Variants in FIRRM observed in about 807,000 individuals in gnomAD.
FIRRM encodes FIGNL1 interacting regulator of recombination and mitosis.
At chr1:169,841,347 T>A in the FIRRM span, among the ~76,000 whole-genome samples, 1 of 152,210 alleles carries the variant, frequency 6.6e-6, no homozygotes, top group African/African-American at 2.4e-5. Context: ...TTGAATTTGG[T>A]TTGCTAGTAT....
At chr1:169,787,644 A>G in the FIRRM span, among the ~76,000 whole-genome samples, 3 of 152,186 alleles carry the variant, frequency 2.0e-5, no homozygotes, top group Non-Finnish European at 2.9e-5. Context: ...TACTATCTCA[A>G]TGGTAATGAA....
the FIRRM span, among the ~76,000 whole-genome samples, chr1:169,834,731 A>G: frequency 1.3e-5 from 2 of 152,188 alleles, no homozygotes; most frequent in Non-Finnish European, 2.9e-5. Context: ...TATTTAGCCC[A>G]AAGTTCAAGT....
At chr1:169,847,889 A>T in the FIRRM span, 1 of 877,636 alleles carries the variant, frequency 1.1e-6, no homozygotes, top group Admixed American at 2.6e-5. Context: ...GCTTTTTCTG[A>T]AATTTTGCAA....
the FIRRM span, among the ~76,000 whole-genome samples, chr1:169,787,841 G>A: frequency 2.2e-4 from 34 of 152,076 alleles, no homozygotes; most frequent in Non-Finnish European, 3.7e-4. Context: ...CCCCTGTAAC[G>A]TGATGTATGT....
chr1:169,830,220 T>A, the FIRRM span: 1 of 1,490,678 alleles, frequency 6.7e-7, no homozygotes, highest in Non-Finnish European at 9.3e-7. Context: ...ATTGTGAACT[T>A]TAGTATTTAA....
At chr1:169,826,663 C>G in the FIRRM span, among the ~76,000 whole-genome samples, 1 of 152,012 alleles carries the variant, frequency 6.6e-6, no homozygotes. Context: ...ACGCTCCGCC[C>G]AAAAACAACT....
At chr1:169,818,684 A>T in the FIRRM span, among the ~76,000 whole-genome samples, 1 of 151,806 alleles carries the variant, frequency 6.6e-6, no homozygotes, top group African/African-American at 2.4e-5. Context: ...TGCCAGTTTT[A>T]TTTATTTATT....
chr1:169,835,781 CT>C, the FIRRM span, among the ~76,000 whole-genome samples: 2 of 152,070 alleles, frequency 1.3e-5, no homozygotes, highest in Non-Finnish European at 2.9e-5. Flanking sequence ...ACTTACTGGA[CT>C]TTATTATAAA....
At chr1:169,822,347 C>T in the FIRRM span, among the ~76,000 whole-genome samples, 1 of 152,146 alleles carries the variant, frequency 6.6e-6, no homozygotes, top group African/African-American at 2.4e-5. Context: ...CCTTATCTTT[C>T]GTCAAAAACA....
the FIRRM span, chr1:169,793,718 C>A: frequency 6.5e-7 from 1 of 1,536,046 alleles, no homozygotes; most frequent in Non-Finnish European, 8.8e-7. Context: ...TGCACACAAT[C>A]TTTAAATTCA....
At chr1:169,786,223 T>C in the FIRRM span, among the ~76,000 whole-genome samples, 1 of 152,278 alleles carries the variant, frequency 6.6e-6, no homozygotes, top group Admixed American at 6.5e-5. Flanking sequence ...ATGTATTTCC[T>C]GTTAAAGAAA....
chr1:169,798,557 C>G, the FIRRM span, among the ~76,000 whole-genome samples: 17 of 151,856 alleles, frequency 1.1e-4, no homozygotes, highest in Non-Finnish European at 1.9e-4. Context: ...GTGAGCCACC[C>G]CACTTGGCCC....
the FIRRM span, among the ~76,000 whole-genome samples, chr1:169,800,100 G>A: frequency 6.6e-6 from 1 of 152,036 alleles, no homozygotes; most frequent in Non-Finnish European, 1.5e-5. Context: ...TGCGAACATA[G>A]CTAGCTCACT....
chr1:169,789,650 A>G, the FIRRM span, among the ~76,000 whole-genome samples: 1 of 152,216 alleles, frequency 6.6e-6, no homozygotes, highest in Non-Finnish European at 1.5e-5. Flanking sequence ...AAGCTTCCAA[A>G]AAAGACAATT....
At chr1:169,817,213 A>C in the FIRRM span, among the ~76,000 whole-genome samples, 2 of 152,176 alleles carry the variant, frequency 1.3e-5, no homozygotes, top group African/African-American at 4.8e-5. Flanking sequence ...CCATCTCTTC[A>C]TGAGAGTCCT....
the FIRRM span, among the ~76,000 whole-genome samples, chr1:169,839,115 C>CT: frequency 6.6e-6 from 1 of 152,088 alleles, no homozygotes; most frequent in African/African-American, 2.4e-5. Flanking sequence ...TGATTTCATT[C>CT]TTTTTTATGA....
chr1:169,789,008 C>T, the FIRRM span, among the ~76,000 whole-genome samples: 1 of 152,182 alleles, frequency 6.6e-6, no homozygotes, highest in African/African-American at 2.4e-5. Flanking sequence ...CTTCCCCCAA[C>T]CATCTGGGCT....
chr1:169,821,655 T>C, the FIRRM span: 1 of 1,505,116 alleles, frequency 6.6e-7, no homozygotes, highest in Non-Finnish European at 9.0e-7. Context: ...TTATTATGCT[T>C]TCTTATTTCC....
the FIRRM span, chr1:169,803,936 A>G: frequency 8.4e-6 from 4 of 477,688 alleles, no homozygotes; most frequent in African/African-American, 4.0e-5. Flanking sequence ...GAAGCACACT[A>G]TATTTAATGG....
Sources: allele counts gnomAD v4.1 joint callset (sites outside exome capture counted in the v4.1 genomes callset), GRCh38; gene constraint gnomAD v4.1.1; transcripts MANE v1.5; gene names NCBI Gene and HGNC (gene_info 2026-07-23, HGNC 2026-07-21).